The following FAM107B variants were observed in gnomAD, a reference collection of about 807,000 sequenced individuals.
FAM107B encodes the protein family with sequence similarity 107 member B.
In FAM107B, 21 loss-of-function variants were observed where a neutral mutation model predicts 31.5. That is an observed-to-expected ratio of 0.67 (90% CI 0.47 to 0.96). FAM107B has a LOEUF of 0.96. Among genes scored for constraint, FAM107B ranks in the 40% least tolerant of loss-of-function variants. The pLI, the probability that FAM107B is intolerant of heterozygous loss-of-function variation, is 0.00. For synonymous variants in FAM107B, 157 were observed against 141.5 expected, an observed-to-expected ratio of 1.11 and a Z score of -0.78; for missense variants, 452 against 377.1, an observed-to-expected ratio of 1.20 and a Z score of -1.64.
rs371271438 is a variant in FAM107B at position 14,685,551 on chromosome 10, T to C, written c.412-17860A>G. 3.3e-3 allele frequency among the ~76,000 whole-genome samples: 503 copies of C among 152,232 alleles called. 8 individuals carry two copies. The highest frequency in any genetic ancestry group is 0.011 in the African/African-American group (440 of 41,540). ...AACCATAAAGAAAGGCAAGTTAGGG[T>C]GCCCTTCTCGTGAGCCATTAAGGGA... On this transcript the variant is annotated intron_variant, in intron 1 of 4. Coordinates refer to ENST00000181796, the MANE Select transcript of FAM107B (RefSeq NM_031453.4).
At chr10:14,691,814 A>C (rs1855141792) in intron 1 of FAM107B, among the ~76,000 whole-genome samples, 1 of 150,440 alleles carries the variant, frequency 6.6e-6, no homozygotes, top group South Asian at 2.1e-4. Flanking sequence ...GAATTGCTTG[A>C]ACCTGGGAAG....
chr10:14,581,360 G>T (rs1000741407), intron 2 of FAM107B, among the ~76,000 whole-genome samples: 1 of 152,226 alleles, frequency 6.6e-6, no homozygotes, highest in Non-Finnish European at 1.5e-5. Flanking sequence ...CTGCGGTAGG[G>T]TGCCACGAGG....
chr10:14,608,029 G>A (rs553906490), intron 2 of FAM107B, among the ~76,000 whole-genome samples: 10 of 152,274 alleles, frequency 6.6e-5, no homozygotes, highest in South Asian at 4.1e-4. Context: ...ATTTGGGGAC[G>A]TAAAATGATA....
intron 1 of FAM107B, among the ~76,000 whole-genome samples, chr10:14,727,517 C>G (rs930643895): frequency 6.6e-6 from 1 of 152,176 alleles, no homozygotes. Context: ...CTGGAAGTGA[C>G]AAGCCATTAA....
chr10:14,756,375 T>G (rs1004897090), intron 1 of FAM107B, among the ~76,000 whole-genome samples: 26 of 152,248 alleles, frequency 1.7e-4, no homozygotes, highest in African/African-American at 6.0e-4. Context: ...GAAAGTATTT[T>G]GTAGATATGG....
At chr10:14,629,413 TATATA>T (rs1853275760) in intron 2 of FAM107B, among the ~76,000 whole-genome samples, 2 of 842 alleles carry the variant, frequency 2.4e-3, no homozygotes, top group African/African-American at 2.7e-3. Flanking sequence ...ATATTTAATA[TATATA>T]ATATATATAA....
intron 1 of FAM107B, among the ~76,000 whole-genome samples, chr10:14,727,520 G>A (rs1427075209): frequency 1.3e-5 from 2 of 152,220 alleles, no homozygotes; most frequent in Admixed American, 6.5e-5. Flanking sequence ...GAAGTGACAA[G>A]CCATTAACAC....
intron 1 of FAM107B, among the ~76,000 whole-genome samples, chr10:14,768,284 T>C (rs996063152): frequency 3.9e-5 from 6 of 152,170 alleles, no homozygotes; most frequent in Non-Finnish European, 7.4e-5. Flanking sequence ...TTTGCAGAAA[T>C]AGAAAAATTC....
intron 1 of FAM107B, among the ~76,000 whole-genome samples, chr10:14,682,107 T>C (rs1394236158): frequency 6.6e-5 from 10 of 152,236 alleles, no homozygotes; most frequent in Non-Finnish European, 1.5e-4. Flanking sequence ...GCAAAGCCTC[T>C]TTCTGGAGCA....
At chr10:14,522,993 A>G (rs975126768) in intron 3 of FAM107B, among the ~76,000 whole-genome samples, 2 of 152,184 alleles carry the variant, frequency 1.3e-5, no homozygotes, top group African/African-American at 4.8e-5. Context: ...TACATTTCTG[A>G]GAGATAAATT....
At chr10:14,603,398 T>G (rs1485286969) in intron 2 of FAM107B, among the ~76,000 whole-genome samples, 1 of 152,162 alleles carries the variant, frequency 6.6e-6, no homozygotes, top group African/African-American at 2.4e-5. Flanking sequence ...ATCGCACCCA[T>G]CCTATCAAGT....
chr10:14,658,906 T>C (rs1047879437), intron 2 of FAM107B, among the ~76,000 whole-genome samples: 1 of 152,172 alleles, frequency 6.6e-6, no homozygotes, highest in South Asian at 2.1e-4. Flanking sequence ...AATTATATAA[T>C]GTGTGGATAG....
intron 2 of FAM107B, among the ~76,000 whole-genome samples, chr10:14,628,133 T>TTTTTTTTTTG (rs1853220888): frequency 7.1e-6 from 1 of 141,776 alleles, no homozygotes; most frequent in Non-Finnish European, 1.5e-5. Context: ...TTTTTTTTTT[T>TTTTTTTTTTG]GAGATGGAGT....
intron 2 of FAM107B, among the ~76,000 whole-genome samples, chr10:14,632,479 C>T (rs187404546): frequency 2.6e-3 from 394 of 151,322 alleles, no homozygotes; most frequent in Non-Finnish European, 4.3e-3. Context: ...GGCGTGGTGG[C>T]GGGCGCCTGT....
chr10:14,521,114 C>A lies in FAM107B; in HGVS notation c.*76G>T. ...TGCTGGCTGAAATATTCTCCAGGGG[C>A]TTTTGCCCTGAGATTGAGAAGGCAC... On this transcript the variant is annotated 3_prime_UTR_variant, in exon 5 of 5. Transcript: ENST00000181796. 8.8e-7 allele frequency: 1 copy of A among 1,131,382 alleles called. No individual in the cohort carries two copies. The highest frequency in any genetic ancestry group is 1.3e-6 in the Non-Finnish European group (1 of 771,514). 70.1% of individuals were successfully genotyped at this position (1,131,382 alleles called of 1,614,324 possible). A position where few individuals can be genotyped will look rare whatever the true frequency, so the allele number is the denominator to read the frequency against.
chr10:14,558,586 C>T (rs1453708972), intron 2 of FAM107B, among the ~76,000 whole-genome samples: 2 of 58,184 alleles, frequency 3.4e-5, no homozygotes, highest in Non-Finnish European at 9.7e-5. Flanking sequence ...CTCACCTGAT[C>T]TTGATTTTTT....
At chr10:14,759,756 G>C (rs978249956) in intron 1 of FAM107B, among the ~76,000 whole-genome samples, 2 of 151,718 alleles carry the variant, frequency 1.3e-5, no homozygotes, top group African/African-American at 4.8e-5. Flanking sequence ...CTGCTGTGCA[G>C]GTTGGAGTGC....
intron 2 of FAM107B, chr10:14,602,883 C>T (rs1341133821): frequency 6.6e-6 from 1 of 151,872 alleles, no homozygotes; most frequent in Non-Finnish European, 1.5e-5. Flanking sequence ...ACAACTTGTC[C>T]GTATTAATCT....
intron 2 of FAM107B, among the ~76,000 whole-genome samples, chr10:14,662,468 C>T (rs1414606427): frequency 6.6e-6 from 1 of 151,860 alleles, no homozygotes; most frequent in African/African-American, 2.4e-5. Flanking sequence ...CTTCGACCAC[C>T]TGGGCTCAAG....
Sources: gnomAD v4.1 joint callset for allele counts (sites outside exome capture counted in the v4.1 genomes callset) on GRCh38, gnomAD v4.1.1 for gene constraint, MANE v1.5 for transcripts, NCBI Gene and HGNC (gene_info 2026-07-23, HGNC 2026-07-21) for gene names.